The following PREX1 variants were observed in gnomAD, a reference collection of about 807,000 sequenced individuals.
PREX1 encodes the protein phosphatidylinositol-3,4,5-trisphosphate dependent Rac exchange factor 1.
PREX1 carries 41 observed loss-of-function variants against 198.3 expected under a neutral mutation model. The ratio of observed to expected loss-of-function variants is 0.21; its 90% CI spans 0.16 to 0.27. The LOEUF (loss-of-function observed/expected upper bound fraction) is 0.27. Among genes scored for constraint, PREX1 ranks in the 10% least tolerant of loss-of-function variants. PREX1 has a pLI of 1.00. For synonymous variants in PREX1, 843 were observed against 887.2 expected, an observed-to-expected ratio of 0.95 and a Z score of 0.89; for missense variants, 1,620 against 2,200.7, an observed-to-expected ratio of 0.74 and a Z score of 5.28.
chr20:48,717,625 A>T (rs962842433), intron 5 of PREX1, among the ~76,000 whole-genome samples: 1 of 152,160 alleles, frequency 6.6e-6, no homozygotes. Flanking sequence ...CATGCAAATC[A>T]TATGCAGACT....
the PREX1 span, among the ~76,000 whole-genome samples, chr20:48,858,920 G>A: frequency 6.6e-6 from 1 of 151,938 alleles, no homozygotes; most frequent in South Asian, 2.1e-4. Context: ...TTTAGAGATA[G>A]GGTCTAGCTT....
At chr20:48,775,932 T>C (rs2090259250) in intron 1 of PREX1, among the ~76,000 whole-genome samples, 1 of 152,188 alleles carries the variant, frequency 6.6e-6, no homozygotes, top group Non-Finnish European at 1.5e-5. Context: ...TTTGGAAATC[T>C]GGGCAAGAAG....
At chr20:48,773,266 CAAAAA>C (rs55740822) in intron 1 of PREX1, among the ~76,000 whole-genome samples, 9 of 65,914 alleles carry the variant, frequency 1.4e-4, no homozygotes, top group Admixed American at 5.4e-4. Context: ...GACTTGGTCT[CAAAAA>C]AAAAAAAAAA....
At chr20:48,815,975 A>G (rs2090457164) in intron 1 of PREX1, among the ~76,000 whole-genome samples, 1 of 148,340 alleles carries the variant, frequency 6.7e-6, no homozygotes, top group African/African-American at 2.5e-5. Context: ...GCACCATTGC[A>G]CTCCAGCCTT....
intron 1 of PREX1, among the ~76,000 whole-genome samples, chr20:48,823,248 G>A (rs901610437): frequency 2.6e-5 from 4 of 151,852 alleles, no homozygotes; most frequent in Admixed American, 1.3e-4. Flanking sequence ...CCCACCCACC[G>A]GCCTCTCTGC....
At chr20:48,642,383 C>A (rs1392740708) in intron 28 of PREX1, 24 bp downstream of exon 28, 9 of 1,610,184 alleles carry the variant, frequency 5.6e-6, no homozygotes, top group Non-Finnish European at 7.6e-6. Flanking sequence ...CAAAGTTGCG[C>A]CAGGAGTGGG....
At chr20:48,636,424 G>C in intron 32 of PREX1, 39 bp downstream of exon 32, 3 of 1,551,908 alleles carry the variant, frequency 1.9e-6, no homozygotes, top group Non-Finnish European at 2.6e-6. Flanking sequence ...GCACCAGTGG[G>C]TGGGCCAGCG....
upstream of PREX1, among the ~76,000 whole-genome samples, chr20:48,828,437 G>T (rs938943627): frequency 3.9e-5 from 6 of 152,112 alleles, no homozygotes; most frequent in Admixed American, 3.3e-4. Flanking sequence ...GTAAACACCG[G>T]GCTGGGAAAG....
chr20:48,636,335 A>T, intron 32 of PREX1, 128 bp downstream of exon 32: 2 of 988,926 alleles, frequency 2.0e-6, no homozygotes, highest in Non-Finnish European at 2.9e-6. Context: ...GGTGCTCAAC[A>T]AATAGCTGCT....
At chr20:48,847,437 T>C in the PREX1 span, among the ~76,000 whole-genome samples, 1 of 146,930 alleles carries the variant, frequency 6.8e-6, no homozygotes, top group Non-Finnish European at 1.5e-5. Flanking sequence ...GAGACACATA[T>C]GCTTTATCTA....
At chr20:48,655,996 C>A (rs1302448767) in intron 18 of PREX1, among the ~76,000 whole-genome samples, 2 of 152,164 alleles carry the variant, frequency 1.3e-5, no homozygotes, top group Non-Finnish European at 2.9e-5. Flanking sequence ...GAGCTGGGAG[C>A]CTGCTCTCAA....
chr20:48,797,539 C>T (rs1017423484), intron 1 of PREX1, among the ~76,000 whole-genome samples: 1 of 152,036 alleles, frequency 6.6e-6, no homozygotes, highest in East Asian at 1.9e-4. Context: ...CCCCTCCCAT[C>T]CCCCCAAAAA....
chr20:48,743,777 T>C (rs969171127), intron 3 of PREX1, among the ~76,000 whole-genome samples: 2 of 152,248 alleles, frequency 1.3e-5, no homozygotes, highest in African/African-American at 2.4e-5. Context: ...CCACAGTTCA[T>C]GAGTGGCTCA....
rs1460717858 is a variant in PREX1, at chr20:48,625,945, G to A, written c.4938-18C>T. ...GGTAGAGGCTGGGGATGGAGGCAAA[G>A]AGAATGAGGAGAGGCCGGGGCGGGC... is the stretch of plus-strand genomic sequence containing the variant. On this transcript the variant is annotated intron_variant, in intron 39 of 39. Coordinates refer to ENST00000371941, the MANE Select transcript of PREX1 (RefSeq NM_020820.4). 1 of 1,543,294 alleles carries A rather than the reference G, an allele frequency of 6.5e-7. No homozygotes were observed. Among genetic ancestry groups the A allele is most frequent in the East Asian group, 2.5e-5 (1 of 40,120 alleles).
chr20:48,679,617 C>G lies in PREX1; in HGVS notation c.1539+34G>C, dbSNP rs918304557. 3.2e-6 allele frequency: 5 copies of G among 1,556,992 alleles called. No homozygotes were observed. In the African/African-American group the frequency reaches 4.1e-5, roughly 13 times the overall value. On this transcript the variant is annotated intron_variant, in intron 12 of 39. Coordinates refer to ENST00000371941, the MANE Select transcript of PREX1 (RefSeq NM_020820.4). ...CCAGGGTGGAGGTGAACGAGGCCAG[C>G]TGAGTCAGAGTCACAGGGGCGGAGG...
At chr20:48,725,329 AT>A (rs1205172277) in intron 5 of PREX1, among the ~76,000 whole-genome samples, 2 of 152,328 alleles carry the variant, frequency 1.3e-5, no homozygotes, top group East Asian at 3.9e-4. Context: ...TTGTTCAGCC[AT>A]TTCCAAGGGC....
chr20:48,769,789 A>G (rs2090226902), intron 1 of PREX1, among the ~76,000 whole-genome samples: 1 of 152,134 alleles, frequency 6.6e-6, no homozygotes. Context: ...GAAAACTGCC[A>G]CATCTTCCCA....
chr20:48,699,898 TCAAA>T (rs1241983493), intron 7 of PREX1, among the ~76,000 whole-genome samples: 1 of 152,082 alleles, frequency 6.6e-6, no homozygotes, highest in Non-Finnish European at 1.5e-5. Context: ...CTCCAAGCAT[TCAAA>T]CACTCATTCA....
chr20:48,783,636 T>C (rs994689223), intron 1 of PREX1, among the ~76,000 whole-genome samples: 2 of 152,126 alleles, frequency 1.3e-5, no homozygotes, highest in Non-Finnish European at 2.9e-5. Context: ...CCTAAGCAGA[T>C]GTACGGGAGG....
Sources: gnomAD v4.1 joint callset for allele counts (sites outside exome capture counted in the v4.1 genomes callset) on GRCh38, gnomAD v4.1.1 for gene constraint, MANE v1.5 for transcripts, NCBI Gene and HGNC (gene_info 2026-07-23, HGNC 2026-07-21) for gene names.